RPS6KA6: variants seen among roughly 807,000 people sequenced by gnomAD.
RPS6KA6 encodes the protein ribosomal protein S6 kinase alpha-6.
In RPS6KA6, 27 loss-of-function variants were observed where a neutral mutation model predicts 65.4. The observed-to-expected ratio is 0.41, with a 90% CI of 0.30 to 0.57. The LOEUF (loss-of-function observed/expected upper bound fraction) is 0.57, where lower values mean the gene tolerates loss of function less well. Ranked by LOEUF, RPS6KA6 falls within the 20% of genes least tolerant of loss-of-function variation. The pLI, the probability that RPS6KA6 is intolerant of heterozygous loss-of-function variation, is 0.24. For missense variants in RPS6KA6, 486 were observed against 555.6 expected (o/e 0.87, Z 1.26); for synonymous variants, 190 against 184.2 (o/e 1.03, Z -0.26).
chrX:84,125,751 G>C (rs2034770377), intron 8 of RPS6KA6, among the ~76,000 whole-genome samples: 1 of 110,773 alleles, frequency 9.0e-6, no homozygotes, highest in Admixed American at 9.7e-5. Context: ...CTACTTGGGA[G>C]GCTGAGGCAG....
At chrX:84,102,323 T>G in intron 17 of RPS6KA6, 125 bp from the exon 18 acceptor site, 1 of 375,519 alleles carries the variant, frequency 2.7e-6, no homozygotes, top group Non-Finnish European at 4.2e-6. Flanking sequence ...TACAAAATTT[T>G]GAAAATGACA....
chrX:84,082,852 T>C (rs2033832371), intron 20 of RPS6KA6, among the ~76,000 whole-genome samples: 1 of 111,715 alleles, frequency 9.0e-6, no homozygotes, highest in Non-Finnish European at 1.9e-5. Flanking sequence ...GAGGAAAGGA[T>C]TCCCTATTTA....
chrX:84,129,083 G>T (rs904856576), intron 8 of RPS6KA6, among the ~76,000 whole-genome samples: 1 of 111,179 alleles, frequency 9.0e-6, no homozygotes, highest in East Asian at 2.8e-4. Flanking sequence ...GAAAATATTT[G>T]CAAACTGCCC....
chrX:84,098,503 G>T (rs755259905), intron 18 of RPS6KA6, among the ~76,000 whole-genome samples: 10 of 111,303 alleles, frequency 9.0e-5, no homozygotes, highest in Non-Finnish European at 1.5e-4. Flanking sequence ...ATGTATTCAT[G>T]TGAGATTTAG....
chrX:84,073,044 T>C (rs777874345), intron 20 of RPS6KA6, among the ~76,000 whole-genome samples: 5 of 111,792 alleles, frequency 4.5e-5, no homozygotes, highest in African/African-American at 1.6e-4. Flanking sequence ...AAAATTCGTA[T>C]GGAAGCACGA....
rs1229930605 is a variant in RPS6KA6 at position 84,059,691 on chromosome X, TGAA to T, written c.*4583_*4585del. 8.9e-6 allele frequency: 1 copy of T among 111,789 alleles called. No individual in the cohort carries two copies. The highest frequency in any genetic ancestry group is 1.9e-5 in the Non-Finnish European group (1 of 53,182). The allele number at this position is 111,789 out of a possible 1,213,427, so 9.2% of individuals were successfully genotyped here. On this transcript the variant is annotated 3_prime_UTR_variant, in exon 22 of 22. Transcript: ENST00000262752. Reference sequence around the variant, plus strand: ...GTAAAATTAAATGCTTAATACCTTTTGAAGAATAAATTATTAGTTCCCATAACT... The same window carrying T: ...GTAAAATTAAATGCTTAATACCTTTTGAATAAATTATTAGTTCCCATAACT...
In RPS6KA6 at chrX:84,148,140, C is replaced by CAA. The variant is rs57639711; in HGVS notation, c.259-19_259-18dup. The stretch of plus-strand genomic sequence containing the variant: ...AAGAAAAACCTAATAGAAAATTGAA[C>CAA]AAAAAAAAAAAGGAAAATTCACATT... On this transcript the variant is annotated splice_polypyrimidine_tract_variant and intron_variant, in intron 3 of 21. Transcript: ENST00000262752. 175 of 770,679 alleles carry CAA rather than the reference C, an allele frequency of 2.3e-4. No individual in the cohort carries two copies. Among genetic ancestry groups the CAA allele is most frequent in the East Asian group, 3.5e-4 (8 of 22,985 alleles). The allele number at this position is 770,679 out of a possible 1,213,427, so 63.5% of individuals were successfully genotyped here.
chrX:84,168,120 A>C (rs1047629930), intron 1 of RPS6KA6, among the ~76,000 whole-genome samples: 10 of 110,420 alleles, frequency 9.1e-5, no homozygotes, highest in Non-Finnish European at 1.9e-4. Context: ...CTCCTATTTG[A>C]GTCTTTAGCT....
intron 6 of RPS6KA6, among the ~76,000 whole-genome samples, chrX:84,141,979 G>C (rs945243533): frequency 9.0e-6 from 1 of 111,288 alleles, no homozygotes; most frequent in Non-Finnish European, 1.9e-5. Flanking sequence ...CAGAAAATTA[G>C]AAAGAATATA....
intron 2 of RPS6KA6, among the ~76,000 whole-genome samples, chrX:84,160,125 C>G (rs902387707): frequency 9.9e-5 from 11 of 111,358 alleles, no homozygotes; most frequent in Non-Finnish European, 2.1e-4. Flanking sequence ...TTAATAACCT[C>G]TAAATAAGGA....
At chrX:84,158,858 G>C (rs2035459776) in intron 2 of RPS6KA6, among the ~76,000 whole-genome samples, 1 of 111,396 alleles carries the variant, frequency 9.0e-6, no homozygotes, top group African/African-American at 3.3e-5. Context: ...TACTGCACTT[G>C]TTTGGGTCCC....
At chrX:84,133,679 A>G (rs1162706780) in intron 8 of RPS6KA6, among the ~76,000 whole-genome samples, 1 of 111,762 alleles carries the variant, frequency 8.9e-6, no homozygotes, top group Non-Finnish European at 1.9e-5. Flanking sequence ...TATTAAGCAA[A>G]AATGAAAAGA....
chrX:84,183,672 T>C (rs1313008398), intron 1 of RPS6KA6, among the ~76,000 whole-genome samples: 1 of 111,270 alleles, frequency 9.0e-6, no homozygotes, highest in Non-Finnish European at 1.9e-5. Flanking sequence ...AACATTTCCA[T>C]GCCTTTTCTT....
rs747831437 is a variant in RPS6KA6 at position 84,104,515 on chromosome X, T to G, written c.1598A>C (p.Tyr533Ser). 8.7e-7 allele frequency: 1 copy of G among 1,144,736 alleles called. No homozygotes were observed. The highest frequency in any genetic ancestry group is 3.1e-5 in the East Asian group (1 of 31,870). The allele number at this position is 1,144,736 out of a possible 1,213,427, so 94.3% of individuals were successfully genotyped here. A position where few individuals can be genotyped will look rare whatever the true frequency, so the allele number is the denominator to read the frequency against. The change falls in exon 17 of 22, where the codon TAT becomes TCT. Residue 533 changes from tyrosine to serine, a missense_variant. Transcript: ENST00000262752. The part of the protein sequence containing the change: ...ILYVISKTVD[Y>S]LHCQGVVHRD... ...ACAACTTACTCCTTGACAATGAAGATAGTCAACTGTCTTACTTATTACATA... is the reference window on the plus strand; with the variant it reads ...ACAACTTACTCCTTGACAATGAAGAGAGTCAACTGTCTTACTTATTACATA...
intron 1 of RPS6KA6, among the ~76,000 whole-genome samples, chrX:84,170,677 A>T (rs2035670024): frequency 9.0e-6 from 1 of 111,041 alleles, no homozygotes; most frequent in Non-Finnish European, 1.9e-5. Context: ...CTATGCCTAT[A>T]TATTAAGCCC....
chrX:84,113,625 A>G (rs901472981), intron 12 of RPS6KA6, among the ~76,000 whole-genome samples: 1 of 111,688 alleles, frequency 9.0e-6, no homozygotes, highest in African/African-American at 3.3e-5. Context: ...ACTTGATGAT[A>G]AAAACCCTCC....
chrX:84,109,767 G>A (rs188739649), intron 12 of RPS6KA6, among the ~76,000 whole-genome samples: 4 of 110,587 alleles, frequency 3.6e-5, no homozygotes, highest in Non-Finnish European at 3.8e-5. Flanking sequence ...ATAGCCAGCA[G>A]CAGGAGTCTA....
chrX:84,127,951 T>G (rs890311682), intron 8 of RPS6KA6, among the ~76,000 whole-genome samples: 5 of 111,337 alleles, frequency 4.5e-5, no homozygotes, highest in African/African-American at 1.6e-4. Context: ...TTAATCAACA[T>G]AGTACTGCAA....
In RPS6KA6 at chrX:84,117,167, G is replaced by C; in HGVS notation, c.861-19C>G. On this transcript the variant is annotated intron_variant, in intron 10 of 21. Transcript: ENST00000262752. ...TTTTGCTCTGAAACAGAGGATTTTA[G>C]AAAGTTTCACTTAAATTTAGCCACA... The C allele has an allele frequency of 9.0e-7, 1 of 1,110,823 alleles. No individual in the cohort carries two copies. Among genetic ancestry groups the C allele is most frequent in the Non-Finnish European group, 1.2e-6 (1 of 821,544 alleles). The allele number at this position is 1,110,823 out of a possible 1,213,427, so 91.5% of individuals were successfully genotyped here.
Sources: allele counts gnomAD v4.1 joint callset (sites outside exome capture counted in the v4.1 genomes callset), GRCh38; gene constraint gnomAD v4.1.1; transcripts MANE v1.5; gene names NCBI Gene and HGNC (gene_info 2026-07-23, HGNC 2026-07-21).